The following TRIQK variants were observed in gnomAD, a reference collection of about 807,000 sequenced individuals.
The protein encoded by TRIQK is triple QxxK/R motif containing.
TRIQK carries 10 observed loss-of-function variants against 10.8 expected under a neutral mutation model. The ratio of observed to expected loss-of-function variants is 0.92; its 90% CI spans 0.57 to 1.57. The LOEUF is 1.57. TRIQK is among the 40% of genes most tolerant of loss of function. The pLI is 0.00. For synonymous variants in TRIQK, 33 were observed against 33.7 expected, an observed-to-expected ratio of 0.98 and a Z score of 0.07; for missense variants, 107 against 97.7, an observed-to-expected ratio of 1.09 and a Z score of -0.40.
chr8:93,000,191 C>T (rs1183317912), intron 1 of TRIQK, among the ~76,000 whole-genome samples: 2 of 152,128 alleles, frequency 1.3e-5, no homozygotes, highest in African/African-American at 4.8e-5. Context: ...TAACTTTCAA[C>T]TTTCTAGTAT....
chr8:92,967,960 ATGTACAGCAATGCATT>A (rs1180673467), upstream of TRIQK, among the ~76,000 whole-genome samples: 1 of 152,008 alleles, frequency 6.6e-6, no homozygotes, highest in Admixed American at 6.6e-5. Context: ...TTACATAAAG[ATGTACAGCAATGCATT>A]TGTACAGCAA....
At chr8:92,936,906 A>C (rs1002723065) in intron 2 of TRIQK, among the ~76,000 whole-genome samples, 1 of 151,962 alleles carries the variant, frequency 6.6e-6, no homozygotes, top group Admixed American at 6.6e-5. Context: ...AAGTATATGC[A>C]TGACTACTTA....
intron 3 of TRIQK, 46 bp downstream of exon 3, chr8:92,916,880 GTTT>G: frequency 7.8e-7 from 1 of 1,285,546 alleles, no homozygotes; most frequent in East Asian, 2.9e-5. Context: ...GCATAATTGT[GTTT>G]TTATCTCAAT....
intron 3 of TRIQK, among the ~76,000 whole-genome samples, chr8:92,903,002 T>A (rs947474282): frequency 1.3e-5 from 2 of 151,872 alleles, no homozygotes; most frequent in African/African-American, 4.8e-5. Flanking sequence ...CAATTTCTTA[T>A]TTTTAAATAT....
At chr8:92,975,785 C>G (rs959571653) in intron 1 of TRIQK, among the ~76,000 whole-genome samples, 6 of 151,658 alleles carry the variant, frequency 4.0e-5, no homozygotes, top group African/African-American at 1.2e-4. Flanking sequence ...TATTTTCTGT[C>G]TTTTCTAATA....
intron 2 of TRIQK, among the ~76,000 whole-genome samples, chr8:92,919,609 T>C (rs1031790699): frequency 9.2e-5 from 14 of 151,836 alleles, no homozygotes; most frequent in Admixed American, 9.2e-4. Flanking sequence ...CTTTTTTTTA[T>C]TGTGTTCTTG....
intron 2 of TRIQK, among the ~76,000 whole-genome samples, chr8:92,938,270 A>G (rs1811092409): frequency 6.6e-6 from 1 of 151,944 alleles, no homozygotes; most frequent in Admixed American, 6.6e-5. Context: ...TTTTTAATTG[A>G]GATATATATA....
intron 3 of TRIQK, among the ~76,000 whole-genome samples, chr8:92,913,345 G>A (rs1809664386): frequency 6.6e-6 from 1 of 152,134 alleles, no homozygotes. Flanking sequence ...AGACATTTAT[G>A]TGGCCAACAA....
intron 3 of TRIQK, among the ~76,000 whole-genome samples, chr8:92,916,057 G>A (rs1419513530): frequency 1.3e-5 from 2 of 151,836 alleles, no homozygotes; most frequent in African/African-American, 4.8e-5. Flanking sequence ...CAAAGCAATG[G>A]TACAGATGGA....
chr8:92,973,253 A>G (rs1349879280), intron 1 of TRIQK: 1 of 152,242 alleles, frequency 6.6e-6, no homozygotes. Flanking sequence ...GAGCTATGAA[A>G]TATGAACTAT....
chr8:93,007,487 A>G (rs1813286358), intron 1 of TRIQK, among the ~76,000 whole-genome samples: 2 of 152,220 alleles, frequency 1.3e-5, no homozygotes, highest in Admixed American at 1.3e-4. Context: ...AAATGATCGC[A>G]ATACCTTTCC....
At chr8:92,952,111 C>T (rs556209282) in intron 2 of TRIQK, among the ~76,000 whole-genome samples, 2 of 151,340 alleles carry the variant, frequency 1.3e-5, no homozygotes, top group Non-Finnish European at 2.9e-5. Context: ...AAGAGATACA[C>T]AAGCATCAGA....
chr8:92,950,725 A>G (rs1008900714), intron 2 of TRIQK, among the ~76,000 whole-genome samples: 28 of 152,198 alleles, frequency 1.8e-4, no homozygotes, highest in Admixed American at 5.9e-4. Flanking sequence ...ATTTAAAGTA[A>G]CCCTAGGTCT....
intron 3 of TRIQK, among the ~76,000 whole-genome samples, chr8:92,896,013 TGCTATTC>T (rs1294088713): frequency 6.6e-6 from 1 of 152,102 alleles, no homozygotes; most frequent in Non-Finnish European, 1.5e-5. Flanking sequence ...GGGGACCAGG[TGCTATTC>T]ATCAGGACAA....
chr8:92,890,307 TTTAAGG>T (rs1816698120), intron 4 of TRIQK, among the ~76,000 whole-genome samples: 1 of 151,892 alleles, frequency 6.6e-6, no homozygotes, highest in South Asian at 2.1e-4. Context: ...GTAAGTAATA[TTTAAGG>T]TTAAAGTTTT....
intron 1 of TRIQK, among the ~76,000 whole-genome samples, chr8:92,980,901 A>G (rs1323344716): frequency 6.6e-6 from 1 of 151,032 alleles, no homozygotes; most frequent in Non-Finnish European, 1.5e-5. Context: ...TCATTTTATT[A>G]ATATATATTT....
intron 2 of TRIQK, among the ~76,000 whole-genome samples, chr8:92,948,836 A>G (rs181288915): frequency 1.8e-4 from 28 of 152,376 alleles, no homozygotes; most frequent in African/African-American, 6.5e-4. Context: ...AAAAATAAGC[A>G]ATTGTCAAGT....
Position 92,948,115 on chromosome 8 carries a change from A to G in TRIQK, c.-22+6291T>C, listed in dbSNP as rs1045673905. Among the ~76,000 whole-genome samples, 11 of 152,218 alleles carry G rather than the reference A, an allele frequency of 7.2e-5. No homozygotes were observed. The South Asian group carries it at 2.3e-3, about 32-fold the overall frequency. ...AAAGAACAAAACTGAATTTTTAATC[A>G]TGAGCATTTGTAGTAAAGGCACAAA... On this transcript the variant is annotated intron_variant, in intron 2 of 4. Transcript: ENST00000521988.
chr8:92,923,375 A>G (rs1009616104), intron 2 of TRIQK, among the ~76,000 whole-genome samples: 1 of 151,798 alleles, frequency 6.6e-6, no homozygotes, highest in African/African-American at 2.4e-5. Context: ...ACAGACTTAT[A>G]TTAGCATGTA....
Sources: gnomAD v4.1 joint callset for allele counts (sites outside exome capture counted in the v4.1 genomes callset) on GRCh38, gnomAD v4.1.1 for gene constraint, MANE v1.5 for transcripts, NCBI Gene and HGNC (gene_info 2026-07-23, HGNC 2026-07-21) for gene names.